Variants in DLG2 observed in about 807,000 individuals in gnomAD.
DLG2 encodes the protein disks large homolog 2.
A neutral mutation model predicts 132.5 loss-of-function variants in DLG2; 45 were observed. That is an observed-to-expected ratio of 0.34 (90% CI 0.27 to 0.44). DLG2 has a LOEUF of 0.44. DLG2 is among the 20% of genes least tolerant of loss of function. The pLI is 1.00. For synonymous variants in DLG2, 424 were observed against 419.6 expected (o/e 1.01, Z -0.13); for missense variants, 1,045 against 1,196.9 (o/e 0.87, Z 1.87).
chr11:84,875,050 AG>A (rs1043291284), intron 6 of DLG2, among the ~76,000 whole-genome samples: 23 of 151,240 alleles, frequency 1.5e-4, no homozygotes, highest in African/African-American at 5.1e-4. Context: ...AGAAAGATTT[AG>A]GAGTCAATAT....
chr11:84,564,088 T>C (rs2099439655), intron 6 of DLG2, among the ~76,000 whole-genome samples: 1 of 152,192 alleles, frequency 6.6e-6, no homozygotes, highest in Non-Finnish European at 1.5e-5. Context: ...CAGATGTCAG[T>C]TAATGCAACT....
intron 11 of DLG2, among the ~76,000 whole-genome samples, chr11:84,034,884 A>G (rs2095819654): frequency 6.6e-6 from 1 of 152,160 alleles, no homozygotes; most frequent in Non-Finnish European, 1.5e-5. Context: ...ATTGACCTTA[A>G]ATGATTATAT....
At chr11:84,666,579 T>A (rs986762231) in intron 6 of DLG2, among the ~76,000 whole-genome samples, 1 of 152,098 alleles carries the variant, frequency 6.6e-6, no homozygotes, top group African/African-American at 2.4e-5. Context: ...GACCCTCTCC[T>A]CATCAGCAAA....
chr11:83,967,533 C>T (rs1256668806), intron 12 of DLG2, among the ~76,000 whole-genome samples: 2 of 152,086 alleles, frequency 1.3e-5, no homozygotes, highest in African/African-American at 2.4e-5. Flanking sequence ...TTTGCATCTT[C>T]TTTGGAGAAA....
At chr11:83,465,744 A>G (rs766175035) in intron 26 of DLG2, among the ~76,000 whole-genome samples, 2 of 152,216 alleles carry the variant, frequency 1.3e-5, no homozygotes, top group Admixed American at 6.5e-5. Context: ...TTTAACCTTT[A>G]TACTAGCTCT....
intron 6 of DLG2, among the ~76,000 whole-genome samples, chr11:85,011,679 T>G (rs1035132123): frequency 6.6e-6 from 1 of 152,154 alleles, no homozygotes; most frequent in Non-Finnish European, 1.5e-5. Flanking sequence ...TATAAGAAAT[T>G]TTTCACTTCA....
intron 6 of DLG2, among the ~76,000 whole-genome samples, chr11:84,587,889 A>G (rs780982585): frequency 2.6e-5 from 4 of 152,210 alleles, no homozygotes; most frequent in Non-Finnish European, 5.9e-5. Context: ...CAGGAGCCCC[A>G]CTACTTCATG....
At chr11:84,449,468 C>G (rs1179847121) in intron 7 of DLG2, among the ~76,000 whole-genome samples, 1 of 151,592 alleles carries the variant, frequency 6.6e-6, no homozygotes, top group Non-Finnish European at 1.5e-5. Context: ...GTAATAGCAT[C>G]ATCTTGTTAT....
chr11:85,108,492 T>C (rs1423702807), intron 6 of DLG2, among the ~76,000 whole-genome samples: 17 of 152,076 alleles, frequency 1.1e-4, no homozygotes, highest in Admixed American at 3.3e-4. Flanking sequence ...CAGAATTTCA[T>C]ACATATCATA....
chr11:84,805,748 C>A (rs1276955269), intron 6 of DLG2, among the ~76,000 whole-genome samples: 3 of 152,162 alleles, frequency 2.0e-5, no homozygotes, highest in African/African-American at 7.2e-5. Flanking sequence ...CAAGCAGATG[C>A]TAGCATCATG....
At chr11:83,844,603 T>C (rs753477003) in intron 16 of DLG2, among the ~76,000 whole-genome samples, 178 of 145,242 alleles carry the variant, frequency 1.2e-3, no homozygotes, top group Non-Finnish European at 2.4e-3. Flanking sequence ...CATGTTTGAA[T>C]GTCAAATAAG....
chr11:84,488,432 G>A (rs2099156343), intron 7 of DLG2, among the ~76,000 whole-genome samples: 1 of 152,094 alleles, frequency 6.6e-6, no homozygotes, highest in South Asian at 2.1e-4. Context: ...CTGCATGGGA[G>A]CTTTGCCAAC....
intron 7 of DLG2, among the ~76,000 whole-genome samples, chr11:84,374,154 C>T (rs2098719922): frequency 6.6e-6 from 1 of 152,128 alleles, no homozygotes; most frequent in African/African-American, 2.4e-5. Flanking sequence ...ATCTCTAGGA[C>T]CCATTCCTTA....
intron 15 of DLG2, among the ~76,000 whole-genome samples, chr11:83,920,772 T>G (rs1428768745): frequency 3.2e-5 from 4 of 125,198 alleles, no homozygotes; most frequent in Non-Finnish European, 6.9e-5. Context: ...TTGCTCAAGT[T>G]TACAAAGCTA....
intron 3 of DLG2, among the ~76,000 whole-genome samples, chr11:85,402,928 G>C (rs2088303848): frequency 6.6e-6 from 1 of 152,120 alleles, no homozygotes; most frequent in Middle Eastern, 3.2e-3. Context: ...GTGGAAGATA[G>C]TGTGGCAATT....
rs148196764 is a variant in DLG2, at chr11:84,561,284, C to T, written c.358-26553G>A. On this transcript the variant is annotated intron_variant, in intron 6 of 27. Transcript: ENST00000376104. ...TACACTTCTGTCACAGATGAGAACTCCTGATCCTATAGATTTCATGATGGC... is the reference window on the plus strand; with the variant it reads ...TACACTTCTGTCACAGATGAGAACTTCTGATCCTATAGATTTCATGATGGC... Among the ~76,000 whole-genome samples, 80 of 152,164 alleles carry T rather than the reference C, an allele frequency of 5.3e-4. 1 individual carries two copies. The East Asian group carries it at 0.014, about 27-fold the overall frequency.
At chr11:84,809,560 CAATA>C (rs974566213) in intron 6 of DLG2, among the ~76,000 whole-genome samples, 2 of 151,600 alleles carry the variant, frequency 1.3e-5, no homozygotes, top group African/African-American at 4.8e-5. Flanking sequence ...CTTCTAGAAC[CAATA>C]AATAAGTTCA....
At chr11:84,869,374 C>T (rs2085118906) in intron 6 of DLG2, among the ~76,000 whole-genome samples, 1 of 152,172 alleles carries the variant, frequency 6.6e-6, no homozygotes, top group Non-Finnish European at 1.5e-5. Context: ...CCTTTTACTG[C>T]CTTCACATGT....
At chr11:85,518,007 G>A (rs185474657) in intron 3 of DLG2, among the ~76,000 whole-genome samples, 66 of 152,278 alleles carry the variant, frequency 4.3e-4, no homozygotes, top group Non-Finnish European at 7.5e-4. Context: ...CTTACACCAC[G>A]ATTGCAAGGC....
Sources: allele counts gnomAD v4.1 joint callset (sites outside exome capture counted in the v4.1 genomes callset), GRCh38; gene constraint gnomAD v4.1.1; transcripts MANE v1.5; gene names NCBI Gene and HGNC (gene_info 2026-07-23, HGNC 2026-07-21).